IKZF2: variants seen among roughly 807,000 people sequenced by gnomAD.
The protein encoded by IKZF2 is zinc finger protein Helios.
IKZF2 carries 15 observed loss-of-function variants against 49.2 expected under a neutral mutation model. That is an observed-to-expected ratio of 0.30 (90% CI 0.20 to 0.47). The LOEUF (loss-of-function observed/expected upper bound fraction) is 0.47. Ranked by LOEUF, IKZF2 falls within the 20% of genes least tolerant of loss-of-function variation. IKZF2 has a pLI of 1.00. For synonymous variants in IKZF2, 227 were observed against 221.4 expected (o/e 1.03, Z -0.23); for missense variants, 567 against 664.6 (o/e 0.85, Z 1.61).
At chr2:213,092,028 T>A (rs542680704) in intron 4 of IKZF2, among the ~76,000 whole-genome samples, 9 of 152,082 alleles carry the variant, frequency 5.9e-5, no homozygotes, top group South Asian at 2.1e-4. Context: ...TTTGTATACA[T>A]GCACATACTA....
chr2:213,100,715 C>T (rs1706559012), intron 4 of IKZF2, among the ~76,000 whole-genome samples: 1 of 151,956 alleles, frequency 6.6e-6, no homozygotes, highest in Non-Finnish European at 1.5e-5. Flanking sequence ...ACTAATCTAA[C>T]TACAATATAC....
chr2:213,108,066 T>C (rs1479777047), intron 4 of IKZF2, among the ~76,000 whole-genome samples: 2 of 152,062 alleles, frequency 1.3e-5, no homozygotes, highest in African/African-American at 4.8e-5. Flanking sequence ...AAAAAAACGA[T>C]TGAAATTACT....
chr2:213,054,597 A>G (rs563130687), intron 5 of IKZF2, among the ~76,000 whole-genome samples: 2 of 152,338 alleles, frequency 1.3e-5, no homozygotes, highest in Non-Finnish European at 2.9e-5. Context: ...CATGTCCACA[A>G]TTTCAAAGTT....
rs1340259440 is a variant in IKZF2, at chr2:213,007,413, C to T, written c.1528G>A (p.Asp510Asn). The T allele has an allele frequency of 1.2e-6, 2 of 1,613,380 alleles. No individual in the cohort carries two copies. Among genetic ancestry groups the T allele is most frequent in the Non-Finnish European group, 8.5e-7 (1 of 1,179,650 alleles). ...ECNICGYRSQ[D>N]RYEFSSHIVR... ...ATGTGTGATGAAAACTCATAACGGT[C>T]CTGGCTTCTGTAGCCACAGATGTTG... The change falls in exon 9 of 9, where the codon GAC becomes AAC. Residue 510 changes from aspartate (D) to asparagine (N), a missense_variant. Asp to Asn is a conservative substitution (Grantham distance 23). Coordinates refer to ENST00000434687, the MANE Select transcript of IKZF2 (RefSeq NM_001387220.1).
chr2:213,138,120 AT>A (rs2060741540), intron 4 of IKZF2, among the ~76,000 whole-genome samples: 1 of 152,126 alleles, frequency 6.6e-6, no homozygotes, highest in Non-Finnish European at 1.5e-5. Flanking sequence ...CATCTTGTAC[AT>A]GCTACTAAAA....
chr2:213,057,832 T>C (rs1433963513), intron 4 of IKZF2, among the ~76,000 whole-genome samples: 3 of 152,162 alleles, frequency 2.0e-5, no homozygotes, highest in African/African-American at 7.2e-5. Flanking sequence ...CTAATCACAG[T>C]AATGGCATAG....
intron 4 of IKZF2, among the ~76,000 whole-genome samples, chr2:213,060,723 A>G (rs565767270): frequency 2.1e-4 from 32 of 151,630 alleles, no homozygotes; most frequent in Non-Finnish European, 3.6e-4. Flanking sequence ...TTAGCAATGA[A>G]AAGGGGATAT....
intron 4 of IKZF2, among the ~76,000 whole-genome samples, chr2:213,131,837 C>A (rs2060482336): frequency 6.6e-6 from 1 of 152,098 alleles, no homozygotes; most frequent in South Asian, 2.1e-4. Context: ...ATAATAATGT[C>A]TGGAATAACT....
intron 7 of IKZF2, among the ~76,000 whole-genome samples, chr2:213,018,741 C>A (rs954262828): frequency 1.3e-5 from 2 of 152,136 alleles, no homozygotes; most frequent in Admixed American, 6.6e-5. Context: ...ACTGCAGTTA[C>A]ACTCAACATC....
At chr2:213,120,346 A>G (rs1294500946) in intron 4 of IKZF2, among the ~76,000 whole-genome samples, 1 of 152,246 alleles carries the variant, frequency 6.6e-6, no homozygotes, top group Non-Finnish European at 1.5e-5. Context: ...TGGACCTTTG[A>G]AAAGGATTGA....
intron 4 of IKZF2, among the ~76,000 whole-genome samples, chr2:213,143,769 C>A (rs2125968123): frequency 6.6e-6 from 1 of 151,942 alleles, no homozygotes; most frequent in African/African-American, 2.4e-5. Flanking sequence ...GGCTCTATTT[C>A]AAAAAGTGCA....
chr2:213,062,324 AAGTTT>A (rs1487831420), intron 4 of IKZF2, among the ~76,000 whole-genome samples: 1 of 151,628 alleles, frequency 6.6e-6, no homozygotes, highest in African/African-American at 2.4e-5. Flanking sequence ...CAAGTTAGTC[AAGTTT>A]CCTAACCAGG....
At chr2:213,084,005 C>G (rs1704281238) in intron 4 of IKZF2, among the ~76,000 whole-genome samples, 1 of 152,064 alleles carries the variant, frequency 6.6e-6, no homozygotes. Flanking sequence ...TTGTCTTCCA[C>G]AAAACCAGTA....
At chr2:213,099,934 C>G (rs918872529) in intron 4 of IKZF2, among the ~76,000 whole-genome samples, 1 of 152,060 alleles carries the variant, frequency 6.6e-6, no homozygotes, top group Non-Finnish European at 1.5e-5. Context: ...GCTTTAGATT[C>G]ATTAAAGAAT....
intron 4 of IKZF2, among the ~76,000 whole-genome samples, chr2:213,128,336 G>A (rs952406727): frequency 6.6e-6 from 1 of 152,014 alleles, no homozygotes; most frequent in Non-Finnish European, 1.5e-5. Flanking sequence ...CAAAACTTAA[G>A]GCAAGTATTA....
intron 6 of IKZF2, among the ~76,000 whole-genome samples, chr2:213,028,931 T>A (rs1698115286): frequency 6.6e-6 from 1 of 152,052 alleles, no homozygotes; most frequent in Non-Finnish European, 1.5e-5. Context: ...GACTAAAATC[T>A]TTTCTTTTTT....
At chr2:213,020,216 T>G (rs1406271088) in intron 7 of IKZF2, among the ~76,000 whole-genome samples, 1 of 152,170 alleles carries the variant, frequency 6.6e-6, no homozygotes, top group Non-Finnish European at 1.5e-5. Flanking sequence ...ATCCATCAAT[T>G]TAAATAGTAA....
intron 4 of IKZF2, among the ~76,000 whole-genome samples, chr2:213,059,771 G>A (rs532722805): frequency 2.4e-4 from 37 of 151,322 alleles, no homozygotes; most frequent in Non-Finnish European, 4.7e-4. Context: ...AACATAACAT[G>A]AAACAGATAA....
rs113587871 is a variant in IKZF2 at position 213,134,191 on chromosome 2, G to T, written c.139+13517C>A. Among the ~76,000 whole-genome samples, 5 of 152,124 alleles carry T rather than the reference G, an allele frequency of 3.3e-5. No homozygotes were observed. In the East Asian group the frequency reaches 7.7e-4, roughly 23 times the overall value. On this transcript the variant is annotated intron_variant, in intron 4 of 8. Transcript: ENST00000434687. ...TCGAGAGGAAAATGGAAAAACCAGC[G>T]ATCAGAGGACAAAAACTGGATGCAA...
Sources: gnomAD v4.1 joint callset for allele counts (sites outside exome capture counted in the v4.1 genomes callset) on GRCh38, gnomAD v4.1.1 for gene constraint, MANE v1.5 for transcripts, NCBI Gene and HGNC (gene_info 2026-07-23, HGNC 2026-07-21) for gene names.